VIT: variants seen among roughly 807,000 people sequenced by gnomAD.
The protein encoded by VIT is vitrin.
Under a neutral mutation model 78.0 loss-of-function variants are expected in VIT, and 99 were observed. The observed-to-expected ratio is 1.27, with a 90% CI of 1.08 to 1.50. The LOEUF (loss-of-function observed/expected upper bound fraction) is 1.50, where lower values mean the gene tolerates loss of function less well. Ranked by LOEUF, VIT falls within the 40% of genes most tolerant of loss-of-function variation. The probability of loss-of-function intolerance (pLI) is 0.00; values close to 1 mark genes in which losing one functional copy is unlikely to be tolerated. For missense variants in VIT, 1,126 were observed against 875.3 expected (o/e 1.29, Z -3.61); for synonymous variants, 374 against 334.3 (o/e 1.12, Z -1.29).
chr2:36,717,150 C>A (rs1488412789), intron 2 of VIT, among the ~76,000 whole-genome samples: 1 of 150,650 alleles, frequency 6.6e-6, no homozygotes, highest in East Asian at 2.0e-4. Context: ...GCTGGGATTA[C>A]AGGCGTGAGC....
intron 3 of VIT, among the ~76,000 whole-genome samples, chr2:36,732,139 G>A (rs970552522): frequency 3.3e-5 from 5 of 152,238 alleles, no homozygotes; most frequent in Admixed American, 3.3e-4. Flanking sequence ...GCCCAAGTAT[G>A]AATTCCTTCG....
chr2:36,804,703 G>A (rs944972870), intron 13 of VIT, among the ~76,000 whole-genome samples: 7 of 152,128 alleles, frequency 4.6e-5, no homozygotes, highest in Non-Finnish European at 1.0e-4. Context: ...GGTGGTGCGT[G>A]CCTGTAGTCC....
At chr2:36,714,745 A>G (rs1457512876) in intron 1 of VIT, among the ~76,000 whole-genome samples, 1 of 152,052 alleles carries the variant, frequency 6.6e-6, no homozygotes, top group East Asian at 1.9e-4. Context: ...CCTATTCACC[A>G]CCTTGGACCA....
At chr2:36,775,557 T>C (rs2148606195) in intron 9 of VIT, among the ~76,000 whole-genome samples, 1 of 152,340 alleles carries the variant, frequency 6.6e-6, no homozygotes, top group Admixed American at 6.5e-5. Context: ...TCATTCCCTT[T>C]TTCTGAGTTT....
At chr2:36,727,771 T>C (rs904835233) in intron 2 of VIT, among the ~76,000 whole-genome samples, 5 of 152,220 alleles carry the variant, frequency 3.3e-5, no homozygotes, top group African/African-American at 1.2e-4. Context: ...GCCACTGATG[T>C]AGTATAACAC....
chr2:36,807,567 A>G (rs1446730723), intron 14 of VIT, among the ~76,000 whole-genome samples: 2 of 152,228 alleles, frequency 1.3e-5, no homozygotes, highest in African/African-American at 4.8e-5. Context: ...GTTTGAAGCC[A>G]TCTCTTGTTC....
At chr2:36,774,290 C>T (rs947944941) in intron 8 of VIT, among the ~76,000 whole-genome samples, 1 of 152,114 alleles carries the variant, frequency 6.6e-6, no homozygotes, top group African/African-American at 2.4e-5. Flanking sequence ...GGGAGTTCAC[C>T]TATGAATTCT....
intron 7 of VIT, among the ~76,000 whole-genome samples, chr2:36,772,127 C>T (rs773383243): frequency 6.6e-6 from 1 of 152,158 alleles, no homozygotes; most frequent in Non-Finnish European, 1.5e-5. Context: ...TGCTTTGAGG[C>T]TGGGCGTGGT....
At chr2:36,717,241 C>A in intron 2 of VIT, among the ~76,000 whole-genome samples, 1 of 144,590 alleles carries the variant, frequency 6.9e-6, no homozygotes, top group East Asian at 2.1e-4. Flanking sequence ...TGCAGTGGCA[C>A]AATCTTGGCT....
At chr2:36,765,134 G>T (rs1669342033) in intron 6 of VIT, among the ~76,000 whole-genome samples, 1 of 152,172 alleles carries the variant, frequency 6.6e-6, no homozygotes, top group Non-Finnish European at 1.5e-5. Context: ...TAAGGATCCT[G>T]AGATCGTGAC....
intron 9 of VIT, among the ~76,000 whole-genome samples, chr2:36,780,403 C>A (rs1318705074): frequency 6.6e-6 from 1 of 152,206 alleles, no homozygotes; most frequent in East Asian, 1.9e-4. Context: ...GGGTAAAGTG[C>A]ATATTTTCAC....
At chr2:36,763,464 A>G (rs1669240053) in intron 6 of VIT, among the ~76,000 whole-genome samples, 1 of 152,216 alleles carries the variant, frequency 6.6e-6, no homozygotes. Context: ...TTTTTTTTCA[A>G]ATGGCTCAAA....
intron 2 of VIT, among the ~76,000 whole-genome samples, chr2:36,719,623 G>T (rs1254287960): frequency 2.0e-5 from 3 of 152,030 alleles, no homozygotes; most frequent in African/African-American, 7.2e-5. Flanking sequence ...AGAAGTGAAA[G>T]ATCTGTGCAT....
intron 12 of VIT, among the ~76,000 whole-genome samples, chr2:36,799,098 T>G (rs1385890845): frequency 6.6e-6 from 1 of 152,220 alleles, no homozygotes; most frequent in Non-Finnish European, 1.5e-5. Context: ...AAATTTCCTG[T>G]CTTCCCTGAA....
chr2:36,709,662 G>T (rs900594163), intron 1 of VIT, among the ~76,000 whole-genome samples: 1 of 152,126 alleles, frequency 6.6e-6, no homozygotes. Context: ...AAAGATGGAT[G>T]GGTTTGTGGT....
At chr2:36,701,622 G>GA (rs35301379) in intron 1 of VIT, among the ~76,000 whole-genome samples, 125,027 of 152,058 alleles carry the variant, frequency 0.82, 52,370 homozygotes, top group Middle Eastern at 0.95. Flanking sequence ...TATTCAAAAA[G>GA]AAAAAAATAT....
intron 6 of VIT, among the ~76,000 whole-genome samples, chr2:36,766,524 C>G (rs558654911): frequency 2.2e-4 from 34 of 152,008 alleles, no homozygotes; most frequent in Non-Finnish European, 3.8e-4. Flanking sequence ...GAGCAAGATC[C>G]TGTCTCAAAA....
chr2:36,809,536 G>C (rs1666996782), intron 15 of VIT, among the ~76,000 whole-genome samples: 1 of 152,082 alleles, frequency 6.6e-6, no homozygotes, highest in Non-Finnish European at 1.5e-5. Context: ...TCCTGCCTCA[G>C]CCTCCCAAGT....
intron 2 of VIT, among the ~76,000 whole-genome samples, chr2:36,726,583 C>T (rs1031732409): frequency 1.2e-4 from 19 of 152,090 alleles, no homozygotes; most frequent in South Asian, 2.1e-4. Context: ...TGGCTCATGC[C>T]GAGGCAGGTG....
Sources: allele counts gnomAD v4.1 joint callset (sites outside exome capture counted in the v4.1 genomes callset), GRCh38; gene constraint gnomAD v4.1.1; transcripts MANE v1.5; gene names NCBI Gene and HGNC (gene_info 2026-07-23, HGNC 2026-07-21).